B4GALT1: variants seen among roughly 807,000 people sequenced by gnomAD.
B4GALT1 encodes beta-1,4-galactosyltransferase 1, also known as N-acetyllactosamine synthase.
B4GALT1 carries 16 observed loss-of-function variants against 34.9 expected under a neutral mutation model. That is an observed-to-expected ratio of 0.46 (90% CI 0.31 to 0.70). B4GALT1 has a LOEUF of 0.70. B4GALT1 is among the 30% of genes least tolerant of loss of function. B4GALT1 has a pLI of 0.05. For missense variants in B4GALT1, 445 were observed against 530.5 expected (o/e 0.84, Z 1.58); for synonymous variants, 221 against 218.1 (o/e 1.01, Z -0.12).
chr9:33,113,138 C>A lies in B4GALT1; in HGVS notation c.*316G>T. ...CCTATTTCACGACAATTTAGCAATT[C>A]TATCACCGGGAATGTGTTCCACGGC... On this transcript the variant is annotated 3_prime_UTR_variant, in exon 6 of 6. Transcript: ENST00000379731. 2 of 357,380 alleles carry A rather than the reference C, an allele frequency of 5.6e-6. No homozygotes were observed. The highest frequency in any genetic ancestry group is 3.6e-5 in the South Asian group (1 of 27,506). The allele number at this position is 357,380 out of a possible 1,614,324, so 22.1% of individuals were successfully genotyped here. A position where few individuals can be genotyped will look rare whatever the true frequency, so the allele number is the denominator to read the frequency against.
the B4GALT1 span, among the ~76,000 whole-genome samples, chr9:33,176,480 G>T: frequency 3.3e-5 from 5 of 152,124 alleles, no homozygotes; most frequent in Admixed American, 3.3e-4. Context: ...AGGTTTAGGA[G>T]GCGCTGTTTT....
At chr9:33,128,046 G>A (rs1840138496) in intron 2 of B4GALT1, among the ~76,000 whole-genome samples, 1 of 152,156 alleles carries the variant, frequency 6.6e-6, no homozygotes, top group African/African-American at 2.4e-5. Flanking sequence ...CAGGGTGGTG[G>A]TGGCAGCGGT....
the B4GALT1 span, among the ~76,000 whole-genome samples, chr9:33,178,007 T>TTTGG: frequency 1.3e-5 from 2 of 150,148 alleles, no homozygotes; most frequent in African/African-American, 2.5e-5. Context: ...TTTTTTTTTT[T>TTTGG]GAGACAGGGT....
At chr9:33,160,565 G>A (rs1394965052) in intron 1 of B4GALT1, among the ~76,000 whole-genome samples, 2 of 152,084 alleles carry the variant, frequency 1.3e-5, no homozygotes, top group South Asian at 2.1e-4. Context: ...TCTGGAGTTC[G>A]AGACCAGCCT....
chr9:33,181,249 G>A, the B4GALT1 span, among the ~76,000 whole-genome samples: 1 of 152,210 alleles, frequency 6.6e-6, no homozygotes. Flanking sequence ...GTGAGACCTT[G>A]TCTCTATTAA....
At chr9:33,175,138 C>T in the B4GALT1 span, among the ~76,000 whole-genome samples, 15 of 146,732 alleles carry the variant, frequency 1.0e-4, no homozygotes, top group Admixed American at 2.7e-4. Context: ...ATAGCAAGAC[C>T]CCTGTCTCTA....
rs950756558 is a variant in B4GALT1, at chr9:33,145,727, T to C, written c.413-10303A>G. On this transcript the variant is annotated intron_variant, in intron 1 of 5. Transcript: ENST00000379731. ...CTTAAATAATCTTCCAGGGTTCTGATATTCCTGGATGCATCCACACAGTGG... is the reference window on the plus strand; with the variant it reads ...CTTAAATAATCTTCCAGGGTTCTGACATTCCTGGATGCATCCACACAGTGG... Among the ~76,000 whole-genome samples, 15 of 152,234 alleles carry C rather than the reference T, an allele frequency of 9.9e-5. 1 individual carries two copies. Among genetic ancestry groups the C allele is most frequent in the African/African-American group, 3.6e-4 (15 of 41,456 alleles).
chr9:33,148,836 T>C (rs10738909), intron 1 of B4GALT1, among the ~76,000 whole-genome samples: 73,532 of 148,746 alleles, frequency 0.49, 18,903 homozygotes, highest in East Asian at 0.71. Flanking sequence ...CAAAGAGTAA[T>C]AGGATATGTC....
upstream of B4GALT1, among the ~76,000 whole-genome samples, chr9:33,167,836 C>T (rs1564056760): frequency 2.0e-5 from 3 of 152,230 alleles, no homozygotes; most frequent in Non-Finnish European, 2.9e-5. Flanking sequence ...AAACGGGCTT[C>T]GACGCCGGGC....
the B4GALT1 span, chr9:33,178,883 A>T: frequency 3.3e-5 from 5 of 152,240 alleles, no homozygotes; most frequent in African/African-American, 7.2e-5. Flanking sequence ...TAAAGCATGT[A>T]TTTCTCTCTC....
rs1840254177 is a variant in B4GALT1, at chr9:33,135,411, C to G, written c.426G>C (p.Leu142=). ...EESPLLVGPM[L]IEFNMPVDLE... is the part of the protein sequence containing the mutation. ...GGTCCACAGGCATGTTAAACTCAAT[C>G]AGCATGGGGCCCACTAGAGAGGTGG... The change falls in exon 2 of 6, where the codon CTG becomes CTC. Residue 142 remains leucine (L), a synonymous_variant. Coordinates refer to ENST00000379731, the MANE Select transcript of B4GALT1 (RefSeq NM_001497.4). 1 of 1,614,044 alleles carries G rather than the reference C, an allele frequency of 6.2e-7. No individual in the cohort carries two copies. Among genetic ancestry groups the G allele is most frequent in the African/African-American group, 1.3e-5 (1 of 74,924 alleles).
upstream of B4GALT1, among the ~76,000 whole-genome samples, chr9:33,169,263 T>C (rs191773703): frequency 3.9e-5 from 6 of 152,304 alleles, no homozygotes; most frequent in East Asian, 1.2e-3. Context: ...CTGGTTCCTA[T>C]TTCCCTCCCC....
intron 1 of B4GALT1, among the ~76,000 whole-genome samples, chr9:33,147,784 T>C (rs1043158510): frequency 5.6e-4 from 85 of 152,240 alleles, no homozygotes; most frequent in African/African-American, 1.8e-3. Context: ...ATATATATAA[T>C]AGATGCAGGA....
intron 3 of B4GALT1, among the ~76,000 whole-genome samples, chr9:33,117,444 T>A (rs1213387661): frequency 6.6e-6 from 1 of 152,166 alleles, no homozygotes; most frequent in Non-Finnish European, 1.5e-5. Flanking sequence ...TCAGCACTGA[T>A]GAGAAATGTC....
chr9:33,173,749 C>T, the B4GALT1 span, among the ~76,000 whole-genome samples: 3 of 152,026 alleles, frequency 2.0e-5, no homozygotes, highest in Non-Finnish European at 2.9e-5. Context: ...AGGCTGATTG[C>T]TGATTCCAGG....
chr9:33,104,729 G>A (rs1564031955), exon 3 of B4GALT1: 3 of 455,736 alleles, frequency 6.6e-6, no homozygotes, highest in Admixed American at 2.4e-5. Context: ...CACCTCCAGA[G>A]CAGAACAGAC....
intron 2 of B4GALT1, among the ~76,000 whole-genome samples, chr9:33,130,396 T>C (rs1291728505): frequency 6.6e-6 from 1 of 151,520 alleles, no homozygotes; most frequent in Non-Finnish European, 1.5e-5. Flanking sequence ...TGGAATGCTA[T>C]ATCTTGAAAT....
At chr9:33,116,711 T>A (rs1839945062) in intron 3 of B4GALT1, among the ~76,000 whole-genome samples, 2 of 151,692 alleles carry the variant, frequency 1.3e-5, no homozygotes, top group South Asian at 4.2e-4. Flanking sequence ...TTAGTACAGA[T>A]GGGGTTTCAC....
At chr9:33,122,443 G>T (rs1302351789) in intron 2 of B4GALT1, among the ~76,000 whole-genome samples, 1 of 152,074 alleles carries the variant, frequency 6.6e-6, no homozygotes, top group African/African-American at 2.4e-5. Context: ...GGAGGTTGAG[G>T]TTGCAGTGAG....
Sources: allele counts gnomAD v4.1 joint callset (sites outside exome capture counted in the v4.1 genomes callset), GRCh38; gene constraint gnomAD v4.1.1; transcripts MANE v1.5; gene names NCBI Gene and HGNC (gene_info 2026-07-23, HGNC 2026-07-21).